The following FGF14 variants were observed in gnomAD, a reference collection of about 807,000 sequenced individuals.
The protein encoded by FGF14 is fibroblast growth factor homologous factor 4.
Under a neutral mutation model 25.5 loss-of-function variants are expected in FGF14, and 5 were observed. That is an observed-to-expected ratio of 0.20 (90% CI 0.10 to 0.41). FGF14 has a LOEUF of 0.41. Ranked by LOEUF, FGF14 falls within the 10% of genes least tolerant of loss-of-function variation. FGF14 has a pLI of 1.00. For synonymous variants in FGF14, 138 were observed against 118.3 expected (o/e 1.17, Z -1.08); for missense variants, 222 against 320.1 (o/e 0.69, Z 2.34).
At chr13:101,834,070 T>C (rs1387849486) in intron 3 of FGF14, among the ~76,000 whole-genome samples, 2 of 152,056 alleles carry the variant, frequency 1.3e-5, no homozygotes, top group Non-Finnish European at 2.9e-5. Context: ...AGCAATCACC[T>C]CCAAGTGAGA....
intron 1 of FGF14, among the ~76,000 whole-genome samples, chr13:102,210,303 T>G (rs1330527300): frequency 1.3e-5 from 2 of 151,940 alleles, no homozygotes; most frequent in Non-Finnish European, 2.9e-5. Flanking sequence ...ATAGAAAAAT[T>G]TCCATATGTT....
intron 1 of FGF14, among the ~76,000 whole-genome samples, chr13:101,907,903 G>A (rs2032443374): frequency 6.6e-6 from 1 of 152,188 alleles, no homozygotes; most frequent in Admixed American, 6.5e-5. Context: ...TTAGATTACA[G>A]CACTAGGAGT....
At chr13:102,188,804 G>A in intron 1 of FGF14, among the ~76,000 whole-genome samples, 1 of 151,870 alleles carries the variant, frequency 6.6e-6, no homozygotes. Context: ...ACCTGGGCAT[G>A]GTGGCACATG....
intron 1 of FGF14, among the ~76,000 whole-genome samples, chr13:102,382,210 G>A (rs1219197917): frequency 6.6e-6 from 1 of 151,576 alleles, no homozygotes; most frequent in African/African-American, 2.4e-5. Flanking sequence ...CCACAGAATG[G>A]GATAAAATAC....
intron 3 of FGF14, among the ~76,000 whole-genome samples, chr13:101,777,727 C>T (rs74844110): frequency 0.03 from 4,601 of 152,102 alleles, 107 homozygotes; most frequent in Non-Finnish European, 0.04. Context: ...CCCAAAATGC[C>T]GAGGCGGGTG....
chr13:101,919,525 C>T (rs2033838107), upstream of FGF14, among the ~76,000 whole-genome samples: 1 of 151,700 alleles, frequency 6.6e-6, no homozygotes, highest in Non-Finnish European at 1.5e-5. Flanking sequence ...GCAGTCTTTC[C>T]CCCAAATCCT....
intron 1 of FGF14, among the ~76,000 whole-genome samples, chr13:101,944,935 C>T (rs553963008): frequency 1.3e-5 from 2 of 152,150 alleles, no homozygotes; most frequent in Non-Finnish European, 2.9e-5. Flanking sequence ...TTTGGTTTTG[C>T]AACATGAAGA....
rs569863370 is a variant in FGF14 at position 102,295,088 on chromosome 13, C to T, written c.208+106383G>A. Among the ~76,000 whole-genome samples, 3 of 152,206 alleles carry T rather than the reference C, an allele frequency of 2.0e-5. No individual in the cohort carries two copies. In the East Asian group the frequency reaches 5.8e-4, roughly 29 times the overall value. Reference sequence around the variant, plus strand: ...GTATGATTATTTTAAGTTGGCCACCCATAGGAGTTTAAAACCAGAAAGAAC... The same window carrying T: ...GTATGATTATTTTAAGTTGGCCACCTATAGGAGTTTAAAACCAGAAAGAAC... On this transcript the variant is annotated intron_variant, in intron 1 of 4. Coordinates refer to the FGF14 transcript ENST00000376131.
At chr13:101,915,897 C>T (rs1213546649) in intron 1 of FGF14, among the ~76,000 whole-genome samples, 1 of 152,234 alleles carries the variant, frequency 6.6e-6, no homozygotes, top group Non-Finnish European at 1.5e-5. Flanking sequence ...TGAACCTCAG[C>T]GGACTGGGCC....
At chr13:101,971,928 T>C (rs539482692) in intron 1 of FGF14, among the ~76,000 whole-genome samples, 1 of 152,372 alleles carries the variant, frequency 6.6e-6, no homozygotes, top group African/African-American at 2.4e-5. Context: ...GCCTGGGCCA[T>C]GTTTTCCACC....
At chr13:101,985,443 G>C (rs1043354157) in intron 1 of FGF14, among the ~76,000 whole-genome samples, 6 of 152,062 alleles carry the variant, frequency 3.9e-5, no homozygotes, top group Non-Finnish European at 8.8e-5. Context: ...CATGGACCAT[G>C]TGTTAAGATG....
intron 1 of FGF14, among the ~76,000 whole-genome samples, chr13:101,913,527 G>A (rs1039314963): frequency 1.3e-5 from 2 of 152,064 alleles, no homozygotes; most frequent in African/African-American, 4.8e-5. Flanking sequence ...TTTCAAAAAT[G>A]TGTATTACCC....
chr13:102,316,570 G>A (rs923809694), intron 1 of FGF14, among the ~76,000 whole-genome samples: 4 of 152,040 alleles, frequency 2.6e-5, no homozygotes, highest in Non-Finnish European at 5.9e-5. Flanking sequence ...GAACCACTTA[G>A]GACAACTTAA....
At chr13:101,775,776 AGT>A (rs1482016169) in intron 3 of FGF14, among the ~76,000 whole-genome samples, 1 of 152,146 alleles carries the variant, frequency 6.6e-6, no homozygotes, top group Non-Finnish European at 1.5e-5. Flanking sequence ...CCCTGATGCC[AGT>A]GTGTGCTTTC....
At chr13:102,161,629 A>C (rs1156235347) in intron 1 of FGF14, among the ~76,000 whole-genome samples, 2 of 8,698 alleles carry the variant, frequency 2.3e-4, no homozygotes, top group East Asian at 0.011. Context: ...GAAGAAGAAG[A>C]AGAAGAAGAA....
intron 1 of FGF14, among the ~76,000 whole-genome samples, chr13:101,959,976 A>G (rs1487713224): frequency 6.6e-6 from 1 of 152,242 alleles, no homozygotes; most frequent in African/African-American, 2.4e-5. Flanking sequence ...AATTAATTTA[A>G]TAATCTCAGC....
At chr13:101,790,619 A>G (rs967757567) in intron 3 of FGF14, among the ~76,000 whole-genome samples, 1 of 152,052 alleles carries the variant, frequency 6.6e-6, no homozygotes, top group African/African-American at 2.4e-5. Flanking sequence ...TTAAACACCA[A>G]TTTCCATAAA....
intron 1 of FGF14, among the ~76,000 whole-genome samples, chr13:102,025,247 G>T (rs73565746): frequency 6.6e-6 from 1 of 151,766 alleles, no homozygotes; most frequent in Non-Finnish European, 1.5e-5. Context: ...ATTTTGATAC[G>T]AATTATGAAT....
chr13:101,966,221 C>G (rs1204053742), intron 1 of FGF14, among the ~76,000 whole-genome samples: 4 of 152,104 alleles, frequency 2.6e-5, no homozygotes, highest in Non-Finnish European at 4.4e-5. Context: ...TGCCATATAA[C>G]TGGTGTTCTT....
Sources: gnomAD v4.1 joint callset for allele counts (sites outside exome capture counted in the v4.1 genomes callset) on GRCh38, gnomAD v4.1.1 for gene constraint, MANE v1.5 for transcripts, NCBI Gene and HGNC (gene_info 2026-07-23, HGNC 2026-07-21) for gene names.